Variants in DCC observed in about 807,000 individuals in gnomAD.
The protein encoded by DCC is netrin receptor DCC.
DCC carries 58 observed loss-of-function variants against 172.5 expected under a neutral mutation model. The observed-to-expected ratio is 0.34, with a 90% CI of 0.27 to 0.42. The LOEUF (loss-of-function observed/expected upper bound fraction) is 0.42. Ranked by LOEUF, DCC falls within the 10% of genes least tolerant of loss-of-function variation. The pLI is 1.00. For missense variants in DCC, 1,740 were observed against 1,791.0 expected (o/e 0.97, Z 0.51); for synonymous variants, 709 against 644.5 (o/e 1.10, Z -1.52).
chr18:53,025,843 A>G (rs1303103164), intron 5 of DCC, among the ~76,000 whole-genome samples: 2 of 150,588 alleles, frequency 1.3e-5, no homozygotes, highest in Non-Finnish European at 3.0e-5. Flanking sequence ...TAAAACTTCC[A>G]TATCTGAGGG....
intron 7 of DCC, among the ~76,000 whole-genome samples, chr18:53,095,853 T>C (rs1306487541): frequency 2.0e-5 from 3 of 149,898 alleles, no homozygotes; most frequent in African/African-American, 2.5e-5. Context: ...AAACACTTAT[T>C]CTTCTAAAAT....
intron 1 of DCC, among the ~76,000 whole-genome samples, chr18:52,551,727 TAC>T (rs74178673): frequency 0.015 from 1,828 of 125,256 alleles, 9 homozygotes; most frequent in African/African-American, 0.02. Flanking sequence ...TACTCTCCTC[TAC>T]ACACACACAC....
intron 1 of DCC, among the ~76,000 whole-genome samples, chr18:52,497,487 A>G (rs1303417383): frequency 1.3e-5 from 2 of 151,484 alleles, no homozygotes; most frequent in Non-Finnish European, 2.9e-5. Flanking sequence ...TTAACAAACT[A>G]TGAATGCTAG....
chr18:53,070,134 C>G (rs2042633137), intron 7 of DCC, among the ~76,000 whole-genome samples: 1 of 152,176 alleles, frequency 6.6e-6, no homozygotes, highest in South Asian at 2.1e-4. Context: ...CATCCACCAC[C>G]AAGCCCAGCT....
chr18:52,451,544 A>C (rs991336332), intron 1 of DCC, among the ~76,000 whole-genome samples: 8 of 152,206 alleles, frequency 5.3e-5, no homozygotes, highest in Admixed American at 4.6e-4. Context: ...AGGTTAAAGT[A>C]GGTTTATTGT....
At chr18:52,623,840 C>T (rs1032756188) in intron 1 of DCC, among the ~76,000 whole-genome samples, 4 of 152,124 alleles carry the variant, frequency 2.6e-5, no homozygotes, top group African/African-American at 7.2e-5. Context: ...CTGTCCCTCC[C>T]TTTCCCTCAG....
intron 1 of DCC, among the ~76,000 whole-genome samples, chr18:52,611,430 A>T (rs1428611047): frequency 6.6e-6 from 1 of 152,128 alleles, no homozygotes; most frequent in Non-Finnish European, 1.5e-5. Context: ...GAGGCAGATG[A>T]ATTCTTTCAT....
intron 1 of DCC, among the ~76,000 whole-genome samples, chr18:52,593,560 T>C (rs1207569536): frequency 6.6e-6 from 1 of 152,220 alleles, no homozygotes; most frequent in Non-Finnish European, 1.5e-5. Flanking sequence ...TAAATATTAC[T>C]TTCATGGTTT....
Position 53,157,359 on chromosome 18 carries a change from T to C in DCC, c.1265T>C (p.Ile422Thr), listed in dbSNP as rs781075918. The change falls in exon 8 of 29, where the codon ATC becomes ACC. Residue 422 changes from isoleucine to threonine, a missense_variant. By Grantham distance (89) the Ile-to-Thr change is moderately conservative (BLOSUM62 -1). Around this residue, in one of 2 missense-constraint regions of DCC, gnomAD observed 1,732 missense variants for 1,767.4 expected, o/e 0.98. Transcript: ENST00000442544. ...SAQLIVPKPA[I>T]PSSSVLPSAP... is the part of the protein sequence containing the mutation. ...GCCTCCTCTTCTTTCTCCTTAGCTA[T>C]CCCAAGCTCCAGTGTCCTCCCTTCG... 5 of 1,613,906 alleles carry C rather than the reference T, an allele frequency of 3.1e-6. No individual in the cohort carries two copies. The highest frequency in any genetic ancestry group is 4.2e-6 in the Non-Finnish European group (5 of 1,179,952).
intron 5 of DCC, chr18:52,941,086 T>G (rs1382454382): frequency 6.6e-6 from 1 of 152,132 alleles, no homozygotes; most frequent in East Asian, 1.9e-4. Flanking sequence ...TTCCTGACCA[T>G]GAAGGATATT....
intron 1 of DCC, among the ~76,000 whole-genome samples, chr18:52,360,388 A>G (rs761431911): frequency 2.0e-5 from 3 of 152,238 alleles, no homozygotes; most frequent in Non-Finnish European, 2.9e-5. Context: ...TAACAAGCCA[A>G]CTTAACTCTG....
At chr18:52,375,360 A>C (rs1213093770) in intron 1 of DCC, among the ~76,000 whole-genome samples, 2 of 152,218 alleles carry the variant, frequency 1.3e-5, no homozygotes, top group Non-Finnish European at 2.9e-5. Context: ...GGTTAAAAGA[A>C]TTAACAAACC....
At chr18:53,157,577 A>G in intron 8 of DCC, 65 bp downstream of exon 8, 2 of 1,553,452 alleles carry the variant, frequency 1.3e-6, no homozygotes, top group South Asian at 2.3e-5. Context: ...ACGGTTGGGT[A>G]ATGGCAGGAG....
intron 28 of DCC, among the ~76,000 whole-genome samples, chr18:53,529,678 C>T (rs927955119): frequency 3.3e-5 from 5 of 152,126 alleles, no homozygotes; most frequent in Non-Finnish European, 5.9e-5. Context: ...CATCTTATTT[C>T]CCCATCTGGC....
At chr18:52,514,466 A>G (rs2031555322) in intron 1 of DCC, among the ~76,000 whole-genome samples, 1 of 152,234 alleles carries the variant, frequency 6.6e-6, no homozygotes, top group East Asian at 1.9e-4. Context: ...CAAACAACCA[A>G]AAAATGTCTC....
intron 27 of DCC, 131 bp from the exon 28 acceptor site, chr18:53,526,486 T>G (rs2046456731): frequency 1.0e-6 from 1 of 976,248 alleles, no homozygotes; most frequent in Admixed American, 1.8e-5. Context: ...GTGTCAGAAT[T>G]CATCTTTACA....
intron 15 of DCC, among the ~76,000 whole-genome samples, chr18:53,384,490 A>C (rs557831748): frequency 3.3e-5 from 5 of 151,972 alleles, no homozygotes; most frequent in Admixed American, 1.3e-4. Flanking sequence ...TAACTTCAAT[A>C]TTTATCACTT....
chr18:53,387,651 C>G lies in DCC; in HGVS notation c.2455+1513C>G, dbSNP rs572832979. 2.6e-5 allele frequency among the ~76,000 whole-genome samples: 4 copies of G among 152,316 alleles called. No individual in the cohort carries two copies. In the East Asian group the frequency reaches 7.7e-4, roughly 29 times the overall value. On this transcript the variant is annotated intron_variant, in intron 16 of 28. Coordinates refer to ENST00000442544, the MANE Select transcript of DCC (RefSeq NM_005215.4). ...GGGATTTTAACTTTATTCCCTTGCT[C>G]TGCTAGCAACAAGATTCTTTGTGAG...
At chr18:53,233,595 A>AT (rs1272702740) in intron 12 of DCC, among the ~76,000 whole-genome samples, 4 of 152,088 alleles carry the variant, frequency 2.6e-5, no homozygotes, top group African/African-American at 9.7e-5. Context: ...CAGAAAAATG[A>AT]TTTTCCTGCT....
Sources: gnomAD v4.1 joint callset for allele counts (sites outside exome capture counted in the v4.1 genomes callset) on GRCh38, gnomAD v4.1.1 for gene constraint, gnomAD v4.1.1 regional missense constraint, MANE v1.5 for transcripts, NCBI Gene and HGNC (gene_info 2026-07-23, HGNC 2026-07-21) for gene names.